Variants in GNAO1 observed in about 807,000 individuals in gnomAD.
The protein encoded by GNAO1 is guanine nucleotide-binding protein G(o) subunit alpha.
For missense variants in GNAO1, 166 were observed against 478.7 expected (o/e 0.35, Z 6.10); for synonymous variants, 164 against 180.7 (o/e 0.91, Z 0.74).
At chr16:56,338,467 C>T (rs1199656164) in intron 6 of GNAO1, among the ~76,000 whole-genome samples, 1 of 152,236 alleles carries the variant, frequency 6.6e-6, no homozygotes, top group African/African-American at 2.4e-5. Flanking sequence ...CCAGACATTT[C>T]CCACTCCCCA....
At chr16:56,224,784 T>A (rs2143378188) in intron 2 of GNAO1, among the ~76,000 whole-genome samples, 2 of 152,354 alleles carry the variant, frequency 1.3e-5, no homozygotes, top group South Asian at 4.1e-4. Flanking sequence ...TGGGTTTTAG[T>A]CTGCCCATTT....
chr16:56,355,649 G>T (rs1405004615), intron 8 of GNAO1: 1 of 152,218 alleles, frequency 6.6e-6, no homozygotes, highest in Non-Finnish European at 1.5e-5. Flanking sequence ...GGTGGTGGTG[G>T]TTGTTAATTT....
At chr16:56,307,772 T>G (rs1441534420) in intron 3 of GNAO1, 1 of 152,244 alleles carries the variant, frequency 6.6e-6, no homozygotes, top group East Asian at 1.9e-4. Flanking sequence ...CTCTGGCCAC[T>G]GTCTCACTCT....
At chr16:56,208,454 C>CGT (rs2036352816) in intron 2 of GNAO1, among the ~76,000 whole-genome samples, 7 of 146,552 alleles carry the variant, frequency 4.8e-5, no homozygotes, top group Admixed American at 2.0e-4. Flanking sequence ...TGTGTGCGCG[C>CGT]GCGCGCACGT....
chr16:56,198,025 G>A (rs1475285478), intron 2 of GNAO1, among the ~76,000 whole-genome samples: 1 of 152,064 alleles, frequency 6.6e-6, no homozygotes, highest in Admixed American at 6.6e-5. Flanking sequence ...AGAAAAGCTG[G>A]TGAAGGGGTG....
chr16:56,349,473 C>T lies in GNAO1; in HGVS notation c.724-1911C>T, dbSNP rs1048632101. Among the ~76,000 whole-genome samples the T allele has an allele frequency of 3.9e-5, 6 of 152,204 alleles. No individual in the cohort carries two copies. In the South Asian group the frequency reaches 1.2e-3, roughly 31 times the overall value. ...CCTGGACACAGGTTCACTGGGCCTC[C>T]CAGAAGCCTCCGGCTGCCCTTTTCT... On this transcript the variant is annotated intron_variant, in intron 6 of 8. Transcript: ENST00000262493.
Position 56,192,578 on chromosome 16 carries a change from T to C in GNAO1, c.123T>C (p.Ala41=). The change falls in exon 2 of 9, where the codon GCT becomes GCC. Residue 41 remains alanine, a synonymous_variant. Transcript: ENST00000262493. ...AKDVKLLLLG[A]GESGKSTIVK... ...CCACTGTCTGTGTCCCAACAGGGGCTGGAGAATCAGGAAAAAGCACCATTG... is the reference window on the plus strand; with the variant it reads ...CCACTGTCTGTGTCCCAACAGGGGCCGGAGAATCAGGAAAAAGCACCATTG... 6.3e-7 allele frequency: 1 copy of C among 1,595,760 alleles called. No homozygotes were observed. Among genetic ancestry groups the C allele is most frequent in the Non-Finnish European group, 8.6e-7 (1 of 1,166,398 alleles).
At chr16:56,325,885 A>G (rs570829206) in intron 3 of GNAO1, among the ~76,000 whole-genome samples, 1 of 151,834 alleles carries the variant, frequency 6.6e-6, no homozygotes, top group Admixed American at 6.6e-5. Context: ...GGGTTGGGGG[A>G]CGCTTGTCTC....
At chr16:56,234,801 A>G (rs568617815) in intron 2 of GNAO1, among the ~76,000 whole-genome samples, 39 of 152,234 alleles carry the variant, frequency 2.6e-4, no homozygotes, top group South Asian at 6.2e-4. Context: ...AGATCCTCCA[A>G]GAGAAAACAT....
At chr16:56,215,394 G>C (rs2036428896) in intron 2 of GNAO1, among the ~76,000 whole-genome samples, 1 of 152,192 alleles carries the variant, frequency 6.6e-6, no homozygotes, top group African/African-American at 2.4e-5. Context: ...GCCTGACACA[G>C]AGCTCTGTGC....
chr16:56,354,859 G>A lies in GNAO1; in HGVS notation c.878-7G>A. Reference sequence around the variant, plus strand: ...GCCTCTCCCCGTTCTTCTGTGTCTTGTTACAGGCCCCAATACCTATGAAGA... The same window carrying A: ...GCCTCTCCCCGTTCTTCTGTGTCTTATTACAGGCCCCAATACCTATGAAGA... On this transcript the variant is annotated splice_region_variant and splice_polypyrimidine_tract_variant and intron_variant, in intron 7 of 8. Transcript: ENST00000262493. This position sits in a 1 kb window ranked among gnomAD's most constrained non-coding sequence, Gnocchi z 4.3. 6.2e-7 allele frequency: 1 copy of A among 1,603,602 alleles called. No individual in the cohort carries two copies. Among genetic ancestry groups the A allele is most frequent in the Non-Finnish European group, 8.5e-7 (1 of 1,171,158 alleles).
At chr16:56,338,756 C>G (rs2037768549) in intron 6 of GNAO1, among the ~76,000 whole-genome samples, 1 of 152,238 alleles carries the variant, frequency 6.6e-6, no homozygotes. Flanking sequence ...CTGGGTGAGC[C>G]TAGCAGCCAC....
chr16:56,356,887 T>A lies in GNAO1; in HGVS notation c.*813T>A, dbSNP rs1334833665. The A allele has an allele frequency of 2.6e-5, 4 of 152,006 alleles. No individual in the cohort carries two copies. Among genetic ancestry groups the A allele is most frequent in the Admixed American group, 2.6e-4 (4 of 15,260 alleles). The allele number at this position is 152,006 out of a possible 1,614,324, so 9.4% of individuals were successfully genotyped here. A position where few individuals can be genotyped will look rare whatever the true frequency, so the allele number is the denominator to read the frequency against. ...AGTCTTTGGGAAACGGGTTGTGTTT[T>A]TTTTCCTTTGCCGTGTTGGATTTCC... On this transcript the variant is annotated 3_prime_UTR_variant, in exon 9 of 9. Coordinates refer to ENST00000262493, the MANE Select transcript of GNAO1 (RefSeq NM_020988.3).
At chr16:56,288,194 C>T (rs2037192689) in intron 3 of GNAO1, among the ~76,000 whole-genome samples, 1 of 152,248 alleles carries the variant, frequency 6.6e-6, no homozygotes, top group Admixed American at 6.5e-5. Context: ...GTGCCAGCAG[C>T]ATGCTGAGTG....
chr16:56,242,714 T>C (rs1307169486), intron 2 of GNAO1, among the ~76,000 whole-genome samples: 3 of 152,152 alleles, frequency 2.0e-5, no homozygotes, highest in East Asian at 3.8e-4. Context: ...AACTAAAACA[T>C]AGGGGTAAAT....
At chr16:56,217,460 T>C (rs1386292396) in intron 2 of GNAO1, among the ~76,000 whole-genome samples, 1 of 152,218 alleles carries the variant, frequency 6.6e-6, no homozygotes, top group Non-Finnish European at 1.5e-5. Context: ...AAAAATCACA[T>C]AAAACTGACA....
At chr16:56,349,442 C>T (rs900039477) in intron 6 of GNAO1, among the ~76,000 whole-genome samples, 1 of 152,150 alleles carries the variant, frequency 6.6e-6, no homozygotes, top group African/African-American at 2.4e-5. Flanking sequence ...GTGGACAGCC[C>T]GAGGCCCTGG....
intron 3 of GNAO1, among the ~76,000 whole-genome samples, chr16:56,323,100 A>G (rs1596864474): frequency 6.6e-6 from 1 of 152,148 alleles, no homozygotes; most frequent in African/African-American, 2.4e-5. Context: ...GACCAGAGTG[A>G]TCTGGACAGA....
intron 2 of GNAO1, among the ~76,000 whole-genome samples, chr16:56,212,064 G>A (rs1223119526): frequency 6.6e-6 from 1 of 152,164 alleles, no homozygotes; most frequent in Non-Finnish European, 1.5e-5. Flanking sequence ...ATTGATGGGA[G>A]GAGAGTCTTC....
Sources: allele counts gnomAD v4.1 joint callset (sites outside exome capture counted in the v4.1 genomes callset), GRCh38; gene constraint gnomAD v4.1.1; non-coding constraint Gnocchi (gnomAD v3.1); transcripts MANE v1.5; gene names NCBI Gene and HGNC (gene_info 2026-07-23, HGNC 2026-07-21).